The following MILR1 variants were observed in gnomAD, a reference collection of about 807,000 sequenced individuals.
MILR1 encodes the protein allergin-1.
MILR1 carries 31 observed loss-of-function variants against 18.5 expected under a neutral mutation model. The ratio of observed to expected loss-of-function variants is 1.68; its 90% CI spans 1.26 to 2.26. MILR1 has a LOEUF of 2.26. Ranked by LOEUF, MILR1 falls within the 30% of genes most tolerant of loss-of-function variation. The probability of loss-of-function intolerance (pLI) is 0.00; values close to 1 mark genes in which losing one functional copy is unlikely to be tolerated. For missense variants in MILR1, 257 were observed against 157.4 expected (o/e 1.63, Z -3.38); for synonymous variants, 85 against 56.2 (o/e 1.51, Z -2.30).
the MILR1 span, among the ~76,000 whole-genome samples, chr17:64,483,529 C>CAA: frequency 7.1e-6 from 1 of 140,056 alleles, no homozygotes; most frequent in Non-Finnish European, 1.5e-5. Context: ...AAAAAAAAAA[C>CAA]AAATTAACTT....
At chr17:64,482,750 A>T in the MILR1 span, among the ~76,000 whole-genome samples, 11 of 152,214 alleles carry the variant, frequency 7.2e-5, no homozygotes, top group Admixed American at 7.2e-4. Flanking sequence ...AAAACCTGAA[A>T]CCTTGAGTTC....
the MILR1 span, chr17:64,491,374 C>T: frequency 1.4e-5 from 8 of 555,086 alleles, no homozygotes; most frequent in Admixed American, 3.2e-5. Context: ...GCAGGGGGAT[C>T]ACTTGAGCTT....
At chr17:64,478,869 C>T in the MILR1 span, among the ~76,000 whole-genome samples, 4 of 151,922 alleles carry the variant, frequency 2.6e-5, no homozygotes, top group South Asian at 2.1e-4. Context: ...TGCACCAGCC[C>T]GGGCGACAGT....
the MILR1 span, among the ~76,000 whole-genome samples, chr17:64,479,367 T>C: frequency 6.6e-6 from 1 of 151,950 alleles, no homozygotes; most frequent in Non-Finnish European, 1.5e-5. Flanking sequence ...GTATTTTTAG[T>C]AGAGACGGGG....
chr17:64,454,482 T>G (rs73332156), intron 3 of MILR1, among the ~76,000 whole-genome samples: 334 of 152,338 alleles, frequency 2.2e-3, no homozygotes, highest in African/African-American at 7.6e-3. Context: ...AGCTGGTGGC[T>G]GCCACATTGG....
the MILR1 span, chr17:64,496,531 C>G: frequency 3.1e-6 from 5 of 1,613,784 alleles, no homozygotes; most frequent in Non-Finnish European, 4.2e-6. Context: ...CAGAAACTAA[C>G]CTGAAGGCAC....
intron 2 of MILR1, among the ~76,000 whole-genome samples, chr17:64,452,340 G>A (rs8073101): frequency 0.25 from 38,583 of 151,788 alleles, 5,088 homozygotes; most frequent in South Asian, 0.38. Flanking sequence ...TGCAACCTCC[G>A]CCTCCCTAGT....
At chr17:64,479,686 C>CCAGG in the MILR1 span, among the ~76,000 whole-genome samples, 1 of 152,046 alleles carries the variant, frequency 6.6e-6, no homozygotes, top group Non-Finnish European at 1.5e-5. Flanking sequence ...TTTCAATAAT[C>CCAGG]CAGGCAAGAG....
the MILR1 span, among the ~76,000 whole-genome samples, chr17:64,494,871 TCTTAGAAA>T: frequency 3.9e-5 from 6 of 152,188 alleles, no homozygotes; most frequent in African/African-American, 1.4e-4. Context: ...TACTGGTTCA[TCTTAGAAA>T]CCAAGATCTG....
chr17:64,491,162 G>T, the MILR1 span, among the ~76,000 whole-genome samples: 1 of 151,828 alleles, frequency 6.6e-6, no homozygotes, highest in East Asian at 1.9e-4. Flanking sequence ...TCATTCTGTT[G>T]CCCAGGTTAG....
chr17:64,494,235 T>C, the MILR1 span, among the ~76,000 whole-genome samples: 4 of 152,234 alleles, frequency 2.6e-5, no homozygotes, highest in African/African-American at 9.6e-5. Flanking sequence ...TTTGTCTGAT[T>C]GTTTCCTTAT....
the MILR1 span, among the ~76,000 whole-genome samples, chr17:64,486,707 CAA>C: frequency 6.6e-6 from 1 of 151,980 alleles, no homozygotes; most frequent in Non-Finnish European, 1.5e-5. Context: ...GCTGATTATT[CAA>C]AAGAGGCCTT....
the MILR1 span, among the ~76,000 whole-genome samples, chr17:64,484,689 A>G: frequency 1.3e-5 from 2 of 152,176 alleles, no homozygotes; most frequent in African/African-American, 4.8e-5. Context: ...TGTAAGAAAA[A>G]GAAAGGATTC....
intron 6 of MILR1, among the ~76,000 whole-genome samples, chr17:64,466,083 C>T (rs1364282777): frequency 6.6e-6 from 1 of 152,162 alleles, no homozygotes; most frequent in Admixed American, 6.5e-5. Context: ...GGGAAGCAAA[C>T]ACATCCTTCT....
In MILR1 at chr17:64,465,517, G is replaced by C. The variant is rs374161513; in HGVS notation, c.829G>C (p.Ala277Pro). The part of the protein sequence containing the change: ...GDTAMEVGIY[A>P]NILEKQAKEE... ...CACAGCCATGGAAGTTGGAATCTAT[G>C]CAAATATCCTTGAAAAACAAGCAAG... The change falls in exon 6 of 10, where the codon GCA becomes CCA. Residue 277 changes from alanine (A) to proline (P), a missense_variant. By Grantham distance (27) the Ala-to-Pro change is conservative. Coordinates refer to ENST00000619286, the MANE Select transcript of MILR1 (RefSeq NM_001085423.2). 60 of 1,609,846 alleles carry C rather than the reference G, an allele frequency of 3.7e-5. No homozygotes were observed. In the African/African-American group the frequency reaches 7.6e-4, roughly 20 times the overall value.
chr17:64,461,079 C>A (rs926324275), intron 5 of MILR1, 147 bp downstream of exon 5: 2 of 358,898 alleles, frequency 5.6e-6, no homozygotes, highest in East Asian at 8.0e-5. Context: ...GAAAGGGGGG[C>A]GGGAATGGAA....
At chr17:64,493,832 T>C in the MILR1 span, among the ~76,000 whole-genome samples, 2 of 152,178 alleles carry the variant, frequency 1.3e-5, no homozygotes, top group African/African-American at 4.8e-5. Context: ...TAAACATCCA[T>C]ATACAATGAA....
chr17:64,482,791 T>G, the MILR1 span: 1 of 661,230 alleles, frequency 1.5e-6, no homozygotes, highest in Non-Finnish European at 2.8e-6. Flanking sequence ...CATTTAAGAT[T>G]TTGGATTTTT....
At chr17:64,460,637 C>T (rs1328923457) in intron 4 of MILR1, among the ~76,000 whole-genome samples, 185 bp from the exon 5 acceptor site, 1 of 152,212 alleles carries the variant, frequency 6.6e-6, no homozygotes. Flanking sequence ...TGAGCCACCA[C>T]GCCCAGTCAA....
Sources: gnomAD v4.1 joint callset for allele counts (sites outside exome capture counted in the v4.1 genomes callset) on GRCh38, gnomAD v4.1.1 for gene constraint, MANE v1.5 for transcripts, NCBI Gene and HGNC (gene_info 2026-07-23, HGNC 2026-07-21) for gene names.